Variants in GOLGA3 observed in about 807,000 individuals in gnomAD.
The protein encoded by GOLGA3 is golgin subfamily A member 3.
Under a neutral mutation model 169.4 loss-of-function variants are expected in GOLGA3, and 75 were observed. The observed-to-expected ratio is 0.44, with a 90% CI of 0.37 to 0.54. The LOEUF (loss-of-function observed/expected upper bound fraction) is 0.54. Ranked by LOEUF, GOLGA3 falls within the 20% of genes least tolerant of loss-of-function variation. GOLGA3 has a pLI of 0.00. For missense variants in GOLGA3, 1,899 were observed against 1,930.0 expected, an observed-to-expected ratio of 0.98 and a Z score of 0.30; for synonymous variants, 824 against 822.4, an observed-to-expected ratio of 1.00 and a Z score of -0.03.
At chr12:132,787,475 C>G (rs2045957715) in intron 13 of GOLGA3, among the ~76,000 whole-genome samples, 1 of 148,910 alleles carries the variant, frequency 6.7e-6, no homozygotes, top group South Asian at 2.2e-4. Context: ...CAGGACCCCT[C>G]CCCAAGAGCC....
chr12:132,824,104 AAAAG>A (rs1470191973), intron 1 of GOLGA3, among the ~76,000 whole-genome samples: 1 of 152,180 alleles, frequency 6.6e-6, no homozygotes, highest in Non-Finnish European at 1.5e-5. Context: ...AACAACAAAA[AAAAG>A]AGAAGCCCAC....
chr12:132,790,959 G>A (rs2046194574), intron 12 of GOLGA3, among the ~76,000 whole-genome samples: 1 of 143,914 alleles, frequency 6.9e-6, no homozygotes, highest in Non-Finnish European at 1.5e-5. Flanking sequence ...GCTGAGGCAG[G>A]AGAATAGCTT....
At chr12:132,822,860 T>G (rs1950274889) in intron 1 of GOLGA3, among the ~76,000 whole-genome samples, 1 of 152,146 alleles carries the variant, frequency 6.6e-6, no homozygotes, top group Non-Finnish European at 1.5e-5. Flanking sequence ...AGGCGGAGGT[T>G]GCAGTGAGCT....
chr12:132,801,689 A>T (rs1412122438), intron 8 of GOLGA3, 78 bp downstream of exon 8: 2 of 1,392,808 alleles, frequency 1.4e-6, no homozygotes, highest in Non-Finnish European at 2.0e-6. Context: ...CTAAAAACAG[A>T]AAAATCTCAG....
Position 132,804,021 on chromosome 12 carries a change from A to G in GOLGA3, c.1597+695T>C, listed in dbSNP as rs1482425893. Among the ~76,000 whole-genome samples the G allele has an allele frequency of 2.0e-5, 3 of 152,098 alleles. No individual in the cohort carries two copies. Among genetic ancestry groups the G allele is most frequent in the Non-Finnish European group, 4.4e-5 (3 of 68,008 alleles). On this transcript the variant is annotated intron_variant, in intron 7 of 23. Transcript: ENST00000450791. This position sits in a 1 kb window ranked among gnomAD's most constrained non-coding sequence, Gnocchi z 4.1. ...CGTGTCTGCTGGGCACTGGAGTGTG[A>G]GCTCTGGGACTGGCCCGGGCGGGGA...
At chr12:132,793,969 A>C (rs1405777388) in intron 11 of GOLGA3, among the ~76,000 whole-genome samples, 1 of 152,236 alleles carries the variant, frequency 6.6e-6, no homozygotes, top group Non-Finnish European at 1.5e-5. Context: ...TCACTAGAGC[A>C]TGACTGAAGA....
At chr12:132,786,637 G>A (rs112288543) in intron 14 of GOLGA3, 56 bp downstream of exon 14, 10 of 313,916 alleles carry the variant, frequency 3.2e-5, no homozygotes, top group African/African-American at 1.8e-4. Context: ...CCTCCCCCCC[G>A]GCCCCCGCAC....
intron 18 of GOLGA3, among the ~76,000 whole-genome samples, chr12:132,780,390 C>T (rs2045531420): frequency 6.6e-6 from 1 of 152,222 alleles, no homozygotes; most frequent in Non-Finnish European, 1.5e-5. Flanking sequence ...TGTCAGTGAA[C>T]ACCTGAAGCA....
intron 6 of GOLGA3, 99 bp from the exon 7 acceptor site, chr12:132,805,121 C>G (rs1300885718): frequency 3.7e-6 from 5 of 1,348,634 alleles, no homozygotes; most frequent in African/African-American, 2.9e-5. Flanking sequence ...CAGGGCCTGA[C>G]AGGGGACCCC....
In GOLGA3 at chr12:132,822,245, C is replaced by A; in HGVS notation, c.-117G>T. The A allele has an allele frequency of 7.0e-7, 1 of 1,422,994 alleles. No individual in the cohort carries two copies. Among genetic ancestry groups the A allele is most frequent in the Non-Finnish European group, 9.1e-7 (1 of 1,095,556 alleles). The allele number at this position is 1,422,994 out of a possible 1,614,324, so 88.1% of individuals were successfully genotyped here. On this transcript the variant is annotated 5_prime_UTR_variant, in exon 2 of 24. The change creates a premature stop within an existing upstream ORF in the 5' untranslated region. Transcript: ENST00000450791. ...CCTGGGAGGGGCCCTACTGTGTCTC[C>A]CATTTTCAGGAGAAGATCTGATGAC...
At chr12:132,811,024 C>A (rs776760487) in intron 4 of GOLGA3, among the ~76,000 whole-genome samples, 1 of 152,232 alleles carries the variant, frequency 6.6e-6, no homozygotes, top group Non-Finnish European at 1.5e-5. Flanking sequence ...CTCTCTCTAC[C>A]TCAGCTGCCA....
intron 16 of GOLGA3, chr12:132,783,837 A>C (rs371319283): frequency 2.3e-6 from 3 of 1,297,142 alleles, no homozygotes; most frequent in African/African-American, 1.5e-5. Flanking sequence ...CAGCCTCCCA[A>C]AGTGCTGGGA....
At chr12:132,781,433 C>T (rs551977729) in intron 17 of GOLGA3, among the ~76,000 whole-genome samples, 7 of 152,234 alleles carry the variant, frequency 4.6e-5, no homozygotes, top group African/African-American at 1.7e-4. Flanking sequence ...GTGGTGCACG[C>T]CTGTAGTCCC....
Position 132,796,159 on chromosome 12 carries a change from T to C in GOLGA3, c.2162A>G (p.Asp721Gly). 1 of 1,607,344 alleles carries C rather than the reference T, an allele frequency of 6.2e-7. No homozygotes were observed. The highest frequency in any genetic ancestry group is 8.5e-7 in the Non-Finnish European group (1 of 1,175,598). ...AGTCAAGGTGAGCTGTTTCATCAGGTCCAGGTGCTCCTGCTGCAAAGCCTC... is the reference window on the plus strand; with the variant it reads ...AGTCAAGGTGAGCTGTTTCATCAGGCCCAGGTGCTCCTGCTGCAAAGCCTC... ...QLEALQQEHL[D>G]LMKQLTLTQE... The change falls in exon 11 of 24, where the codon GAC becomes GGC. Residue 721 changes from aspartate to glycine, a missense_variant. By Grantham distance (94) the Asp-to-Gly change is moderately conservative. Transcript: ENST00000450791.
Position 132,798,476 on chromosome 12 carries a change from A to C in GOLGA3, c.1802T>G (p.Val601Gly). The C allele has an allele frequency of 6.3e-7, 1 of 1,590,664 alleles. No individual in the cohort carries two copies. The highest frequency in any genetic ancestry group is 1.4e-5 in the African/African-American group (1 of 73,026). ...RLQGEMAHIQVGQMTQAGLLE... is the reference protein window; with the variant it reads ...RLQGEMAHIQGGQMTQAGLLE... ...GAGACCTGCCTGGGTCATCTGTCCA[A>C]CCTTAAAAAAAAAACCCACAAAGTA... Residue 601 changes from valine (V) to glycine (G), a missense_variant and splice_region_variant, in exon 9 of 24, where the codon GTT becomes GGT. Coordinates refer to ENST00000450791, the MANE Select transcript of GOLGA3 (RefSeq NM_001389683.1).
At chr12:132,794,362 G>A (rs555777110) in intron 11 of GOLGA3, among the ~76,000 whole-genome samples, 6 of 151,168 alleles carry the variant, frequency 4.0e-5, no homozygotes, top group African/African-American at 1.2e-4. Context: ...AAAGATGGCC[G>A]GGGATGTGTG....
chr12:132,801,699 G>T, intron 8 of GOLGA3, 68 bp downstream of exon 8: 2 of 1,446,460 alleles, frequency 1.4e-6, no homozygotes, highest in South Asian at 2.4e-5. Context: ...AAAAATCTCA[G>T]GAAAAAGCAC....
rs749009154 is a variant in GOLGA3 at position 132,808,388 on chromosome 12, C to G, written c.681G>C (p.Gly227=). 7 of 1,614,048 alleles carry G rather than the reference C, an allele frequency of 4.3e-6. No homozygotes were observed. The highest frequency in any genetic ancestry group is 5.9e-6 in the Non-Finnish European group (7 of 1,180,008). Residue 227 remains glycine, a synonymous_variant, in exon 5 of 24, where the codon GGG becomes GGC. Transcript: ENST00000450791. ...TTTTCTCCCTAGGATGTGCCGGAAG[C>G]CCCAGGCTGCCCACCTTAGGCCCCC... ...VPRGPKVGSL[G]LPAHPREKKT...
Position 132,774,202 on chromosome 12 carries a change from C to T in GOLGA3, c.4262G>A (p.Ser1421Asn), listed in dbSNP as rs774776013. ...GTTCAGGTTCTTGAGGGGCTCCTTG[C>T]TCACGGCGGGCGGTGGTCTCAGCAG... ...EELLRPPPAVSKEPLKNLNSC... is the reference protein window; with the variant it reads ...EELLRPPPAVNKEPLKNLNSC... Residue 1421 changes from serine to asparagine, a missense_variant, in exon 23 of 24, where the codon AGC (serine) becomes AAC (asparagine). Ser to Asn is a conservative substitution (Grantham distance 46). Transcript: ENST00000450791. 1 of 1,611,990 alleles carries T rather than the reference C, an allele frequency of 6.2e-7. No homozygotes were observed. The highest frequency in any genetic ancestry group is 1.3e-5 in the African/African-American group (1 of 74,912).
Sources: allele counts gnomAD v4.1 joint callset (sites outside exome capture counted in the v4.1 genomes callset), GRCh38; gene constraint gnomAD v4.1.1; non-coding constraint Gnocchi (gnomAD v3.1); transcripts MANE v1.5; gene names NCBI Gene and HGNC (gene_info 2026-07-23, HGNC 2026-07-21).